SKAP1: variants seen among roughly 807,000 people sequenced by gnomAD.
SKAP1 encodes the protein src kinase associated phosphoprotein 1, also known as src kinase-associated phosphoprotein 1.
Under a neutral mutation model 58.5 loss-of-function variants are expected in SKAP1, and 44 were observed. That is an observed-to-expected ratio of 0.75 (90% confidence interval 0.59 to 0.97). SKAP1 has a LOEUF of 0.97. Ranked by LOEUF, SKAP1 falls within the 50% of genes least tolerant of loss-of-function variation. SKAP1 has a pLI of 0.00. For missense variants in SKAP1, 390 were observed against 435.2 expected (o/e 0.90, Z 0.92); for synonymous variants, 127 against 149.7 (o/e 0.85, Z 1.11).
At chr17:48,234,452 A>G (rs1483080491) in intron 4 of SKAP1, among the ~76,000 whole-genome samples, 1 of 152,244 alleles carries the variant, frequency 6.6e-6, no homozygotes, top group African/African-American at 2.4e-5. Context: ...TGAAATTGGT[A>G]CAGGGCTAGA....
At chr17:48,280,769 A>T (rs1346146667) in intron 4 of SKAP1, among the ~76,000 whole-genome samples, 1 of 152,188 alleles carries the variant, frequency 6.6e-6, no homozygotes, top group African/African-American at 2.4e-5. Flanking sequence ...ATCATATAGT[A>T]TCTAATATTT....
At chr17:48,346,762 G>A (rs1344760976) in intron 3 of SKAP1, among the ~76,000 whole-genome samples, 1 of 152,104 alleles carries the variant, frequency 6.6e-6, no homozygotes, top group African/African-American at 2.4e-5. Context: ...AATATAGCAA[G>A]GTCAATAGTC....
intron 3 of SKAP1, among the ~76,000 whole-genome samples, chr17:48,348,554 A>G (rs961366796): frequency 1.3e-5 from 2 of 152,144 alleles, no homozygotes; most frequent in African/African-American, 4.8e-5. Flanking sequence ...AACTTCTTAC[A>G]TAATTGAGGT....
chr17:48,327,932 G>A (rs1161348259), intron 4 of SKAP1, among the ~76,000 whole-genome samples: 2 of 152,112 alleles, frequency 1.3e-5, no homozygotes, highest in Non-Finnish European at 2.9e-5. Flanking sequence ...GTGCCCCGCC[G>A]TGCCTCTGTT....
intron 4 of SKAP1, among the ~76,000 whole-genome samples, chr17:48,263,500 A>G (rs2065505642): frequency 6.6e-6 from 1 of 152,234 alleles, no homozygotes; most frequent in South Asian, 2.1e-4. Flanking sequence ...ATGCACAAGT[A>G]TCCTGACTCT....
intron 1 of SKAP1, among the ~76,000 whole-genome samples, chr17:48,405,056 A>G (rs2067552604): frequency 6.6e-6 from 1 of 152,222 alleles, no homozygotes; most frequent in African/African-American, 2.4e-5. Context: ...ACTAAAATAC[A>G]TACAATGAAA....
rs368166369 is a variant in SKAP1 at position 48,162,497 on chromosome 17, C to T, written c.950G>A (p.Arg317Gln). 36 of 1,613,858 alleles carry T rather than the reference C, an allele frequency of 2.2e-5. No individual in the cohort carries two copies. Among genetic ancestry groups the T allele is most frequent in the Middle Eastern group, 1.6e-4 (1 of 6,080 alleles). The change falls in exon 11 of 13, where the codon CGG becomes CAG. Residue 317 changes from arginine to glutamine, a missense_variant. Arg to Gln is a conservative substitution (Grantham distance 43). Transcript: ENST00000336915. ...GCTCAGAATACGGATGAGGTCACCC[C>T]GTTGGAAGGACAGTTCATCTGGCTG... ...GDQPDELSFQ[R>Q]GDLIRILSKE...
intron 1 of SKAP1, 71 bp downstream of exon 1, chr17:48,430,004 G>T (rs2067897858): frequency 2.5e-6 from 3 of 1,200,248 alleles, no homozygotes; most frequent in Non-Finnish European, 3.2e-6. Flanking sequence ...AGAAAGCCTG[G>T]CCGTGGGAGG....
At chr17:48,380,898 A>G (rs2067206089) in intron 2 of SKAP1, among the ~76,000 whole-genome samples, 2 of 152,236 alleles carry the variant, frequency 1.3e-5, no homozygotes, top group Non-Finnish European at 2.9e-5. Flanking sequence ...TCATATTTCG[A>G]AAGTTGAAGC....
intron 1 of SKAP1, 122 bp from the exon 2 acceptor site, chr17:48,396,907 C>T: frequency 1.7e-6 from 1 of 588,928 alleles, no homozygotes; most frequent in Non-Finnish European, 2.8e-6. Context: ...TGCACATGTA[C>T]CCTAAAACTT....
At chr17:48,421,296 CT>C (rs35201215) in intron 1 of SKAP1, among the ~76,000 whole-genome samples, 38,703 of 119,200 alleles carry the variant, frequency 0.32, 5,701 homozygotes, top group South Asian at 0.41. Flanking sequence ...ATAGAGTGTT[CT>C]TTTTTTTTTT....
intron 3 of SKAP1, among the ~76,000 whole-genome samples, chr17:48,352,082 G>GA (rs1159148144): frequency 0.28 from 32,459 of 114,328 alleles, 3,962 homozygotes; most frequent in African/African-American, 0.35. Context: ...CAAGAAAAGA[G>GA]AAAAAAAAAA....
intron 4 of SKAP1, among the ~76,000 whole-genome samples, chr17:48,270,992 G>A (rs17694404): frequency 0.11 from 16,253 of 151,996 alleles, 911 homozygotes; most frequent in East Asian, 0.19. Flanking sequence ...TGGTGAACCT[G>A]AGCAGAAGAA....
At chr17:48,134,475 GC>G (rs1188262008) in intron 12 of SKAP1, among the ~76,000 whole-genome samples, 3 of 151,606 alleles carry the variant, frequency 2.0e-5, no homozygotes, top group African/African-American at 4.8e-5. Flanking sequence ...CCGCCACCAC[GC>G]CTGGCTAATT....
chr17:48,221,266 C>CAATA (rs921371319), intron 4 of SKAP1, among the ~76,000 whole-genome samples: 76 of 151,650 alleles, frequency 5.0e-4, no homozygotes, highest in Middle Eastern at 3.4e-3. Flanking sequence ...GACTCTGTCT[C>CAATA]AATAAATAAA....
At chr17:48,317,856 C>T (rs966654808) in intron 4 of SKAP1, among the ~76,000 whole-genome samples, 1 of 151,372 alleles carries the variant, frequency 6.6e-6, no homozygotes, top group Non-Finnish European at 1.5e-5. Context: ...AACAGAGAAG[C>T]AATCAAAGGG....
chr17:48,333,387 C>A (rs2066529592), intron 4 of SKAP1, among the ~76,000 whole-genome samples: 1 of 152,042 alleles, frequency 6.6e-6, no homozygotes, highest in African/African-American at 2.4e-5. Flanking sequence ...GATTTATGTG[C>A]CTTCACAAGT....
chr17:48,171,093 G>GTTGTTT (rs1555597075), intron 9 of SKAP1, among the ~76,000 whole-genome samples: 2 of 70,248 alleles, frequency 2.8e-5, no homozygotes, highest in African/African-American at 5.9e-5. Context: ...AATTACTGTT[G>GTTGTTT]TTTTTTTTTT....
At chr17:48,354,155 A>G (rs2066844027) in intron 3 of SKAP1, among the ~76,000 whole-genome samples, 1 of 152,198 alleles carries the variant, frequency 6.6e-6, no homozygotes. Flanking sequence ...CTTTGTGATA[A>G]CATAAACCTC....
Sources: allele counts gnomAD v4.1 joint callset (sites outside exome capture counted in the v4.1 genomes callset), GRCh38; gene constraint gnomAD v4.1.1; transcripts MANE v1.5; gene names NCBI Gene and HGNC (gene_info 2026-07-23, HGNC 2026-07-21).